Variants in ARHGEF12 observed in about 807,000 individuals in gnomAD.
ARHGEF12 encodes Rho guanine nucleotide exchange factor 12, also known as KMT2A/ARHGEF12 fusion protein.
Under a neutral mutation model 211.2 loss-of-function variants are expected in ARHGEF12, and 66 were observed. The ratio of observed to expected loss-of-function variants is 0.31; its 90% CI spans 0.26 to 0.38. The LOEUF (loss-of-function observed/expected upper bound fraction) is 0.38, where lower values mean the gene tolerates loss of function less well. ARHGEF12 is among the 10% of genes least tolerant of loss of function. The probability of loss-of-function intolerance (pLI) is 1.00; values close to 1 mark genes in which losing one functional copy is unlikely to be tolerated. For missense variants in ARHGEF12, 1,429 were observed against 1,869.5 expected, an observed-to-expected ratio of 0.76 and a Z score of 4.34; for synonymous variants, 592 against 638.4, an observed-to-expected ratio of 0.93 and a Z score of 1.09.
chr11:120,445,937 G>A (rs747422966), intron 16 of ARHGEF12, among the ~76,000 whole-genome samples: 3 of 151,578 alleles, frequency 2.0e-5, no homozygotes, highest in Admixed American at 6.6e-5. Flanking sequence ...AGTGGCTCAC[G>A]CCTGTAGTAC....
chr11:120,352,415 A>G (rs944748487), intron 1 of ARHGEF12, among the ~76,000 whole-genome samples: 1 of 152,194 alleles, frequency 6.6e-6, no homozygotes, highest in Non-Finnish European at 1.5e-5. Flanking sequence ...AGCATAAATG[A>G]TGTAAGTAAG....
At position 120,361,726 on chromosome 11, in the gene ARHGEF12, T is replaced by C. The variant is rs564796474; in HGVS notation, c.32+24451T>C. On this transcript the variant is annotated intron_variant, in intron 1 of 40. Transcript: ENST00000397843. ...AGCTCACCTACATATCTCATAGTTC[T>C]AGTTTCACATTTATCTTGTTCACTT... is the stretch of plus-strand genomic sequence containing the variant. Among the ~76,000 whole-genome samples the C allele has an allele frequency of 2.6e-5, 4 of 152,254 alleles. No individual in the cohort carries two copies. In the South Asian group the frequency reaches 6.2e-4, roughly 24 times the overall value.
At chr11:120,406,457 G>C (rs192829620) in intron 2 of ARHGEF12, among the ~76,000 whole-genome samples, 32 of 152,266 alleles carry the variant, frequency 2.1e-4, no homozygotes, top group African/African-American at 6.7e-4. Flanking sequence ...GGTGAAAATA[G>C]AATGCTAGTT....
At chr11:120,420,203 C>G (rs1040562347) in intron 4 of ARHGEF12, among the ~76,000 whole-genome samples, 8 of 152,158 alleles carry the variant, frequency 5.3e-5, no homozygotes, top group Non-Finnish European at 1.2e-4. Context: ...CTCTTCCTTT[C>G]TCTTCCCTTC....
At chr11:120,421,999 T>G (rs1346325033) in intron 6 of ARHGEF12, 147 bp downstream of exon 6, 1 of 602,388 alleles carries the variant, frequency 1.7e-6, no homozygotes, top group Non-Finnish European at 2.9e-6. Context: ...CTTATTTCAT[T>G]TGTTTTAAAA....
chr11:120,395,010 T>TG (rs1218789388), intron 1 of ARHGEF12, among the ~76,000 whole-genome samples: 1 of 134,884 alleles, frequency 7.4e-6, no homozygotes. Context: ...TGAGCTGAGA[T>TG]GGTGCCACTA....
intron 7 of ARHGEF12, among the ~76,000 whole-genome samples, chr11:120,425,094 G>A (rs1008353246): frequency 1.3e-5 from 2 of 152,126 alleles, no homozygotes; most frequent in African/African-American, 4.8e-5. Context: ...GTGGATTCAC[G>A]AACCTCGAGC....
intron 4 of ARHGEF12, among the ~76,000 whole-genome samples, 161 bp from the exon 5 acceptor site, chr11:120,420,592 T>C (rs910646300): frequency 2.0e-5 from 3 of 152,228 alleles, no homozygotes; most frequent in Non-Finnish European, 4.4e-5. Flanking sequence ...TTGTGTTTGC[T>C]TTGTTGATGG....
chr11:120,428,392 T>A (rs1298893608), intron 8 of ARHGEF12, 145 bp downstream of exon 8: 4 of 689,024 alleles, frequency 5.8e-6, no homozygotes, highest in Non-Finnish European at 8.5e-6. Context: ...AATTACATAA[T>A]AGGAATGATT....
chr11:120,342,489 G>C (rs939483024), intron 1 of ARHGEF12, among the ~76,000 whole-genome samples: 1 of 151,914 alleles, frequency 6.6e-6, no homozygotes, highest in Non-Finnish European at 1.5e-5. Flanking sequence ...TATCCTTTCC[G>C]GTCCCCTTCC....
chr11:120,447,207 C>CA, intron 18 of ARHGEF12, 122 bp downstream of exon 18: 1 of 1,118,276 alleles, frequency 8.9e-7, no homozygotes, highest in South Asian at 2.9e-5. Flanking sequence ...TTTATTTTGT[C>CA]ATAGTACTTG....
chr11:120,372,658 T>C (rs1943620716), intron 1 of ARHGEF12, among the ~76,000 whole-genome samples: 1 of 152,148 alleles, frequency 6.6e-6, no homozygotes, highest in Admixed American at 6.5e-5. Flanking sequence ...TATGGGGCTT[T>C]TTTTCCCTAT....
rs1191520522 is a variant in ARHGEF12, at chr11:120,459,220, T to C, written c.2427T>C (p.Leu809=). Residue 809 remains leucine, a synonymous_variant, in exon 26 of 41, where the codon CTT becomes CTC. Coordinates refer to ENST00000397843, the MANE Select transcript of ARHGEF12 (RefSeq NM_015313.3). ...ERAHVRTLKV[L]DQVFYQRVSR... ...CTCATGTTCGAACACTGAAGGTTCT[T>C]GATCAAGTGTTCTATCAGCGAGTAT... is the stretch of plus-strand genomic sequence containing the variant. The C allele has an allele frequency of 6.8e-6, 11 of 1,613,544 alleles. No individual in the cohort carries two copies. The highest frequency in any genetic ancestry group is 8.5e-6 in the Non-Finnish European group (10 of 1,179,780).
At chr11:120,433,264 C>T (rs1374534355) in intron 11 of ARHGEF12, among the ~76,000 whole-genome samples, 1 of 152,102 alleles carries the variant, frequency 6.6e-6, no homozygotes, top group African/African-American at 2.4e-5. Context: ...TTTGAAAATG[C>T]GTAACATTTT....
In ARHGEF12 at chr11:120,347,162, TC is replaced by T. The variant is rs1565417029; in HGVS notation, c.32+9889del. 9.2e-5 allele frequency among the ~76,000 whole-genome samples: 6 copies of T among 65,344 alleles called. 1 individual carries two copies. Among genetic ancestry groups the T allele is most frequent in the African/African-American group, 4.7e-4 (6 of 12,730 alleles). The allele number at this position is 65,344 out of a possible 152,430, so 42.9% of individuals were successfully genotyped here. A position where few individuals can be genotyped will look rare whatever the true frequency, so the allele number is the denominator to read the frequency against. On this transcript the variant is annotated intron_variant, in intron 1 of 40. Coordinates refer to ENST00000397843, the MANE Select transcript of ARHGEF12 (RefSeq NM_015313.3). ...TTCCTTCCTTCCTTCCTTCCTTCCT[TC>T]CTTCCTTCCTTCCTTCCTTCCTTTC...
intron 1 of ARHGEF12, among the ~76,000 whole-genome samples, chr11:120,360,707 T>G: frequency 6.6e-6 from 1 of 152,308 alleles, no homozygotes; most frequent in East Asian, 1.9e-4. Context: ...ATATTACTTT[T>G]TAAACTTAGA....
At chr11:120,482,058 C>T (rs966480288) in intron 39 of ARHGEF12, among the ~76,000 whole-genome samples, 7 of 152,294 alleles carry the variant, frequency 4.6e-5, no homozygotes, top group South Asian at 4.1e-4. Flanking sequence ...CGCGCCCAGT[C>T]GGCATTGTTT....
chr11:120,423,228 A>T (rs1395922066), intron 6 of ARHGEF12, among the ~76,000 whole-genome samples: 1 of 152,188 alleles, frequency 6.6e-6, no homozygotes, highest in East Asian at 1.9e-4. Context: ...CTGTCAGAAA[A>T]TTTAAAGATT....
chr11:120,480,457 G>C, intron 38 of ARHGEF12, 27 bp downstream of exon 38: 1 of 1,567,302 alleles, frequency 6.4e-7, no homozygotes, highest in Non-Finnish European at 8.7e-7. Context: ...CTTAAACTTT[G>C]ATTTTGATTT....
Sources: gnomAD v4.1 joint callset for allele counts (sites outside exome capture counted in the v4.1 genomes callset) on GRCh38, gnomAD v4.1.1 for gene constraint, MANE v1.5 for transcripts, NCBI Gene and HGNC (gene_info 2026-07-23, HGNC 2026-07-21) for gene names.